The following PCDH15 variants were observed in gnomAD, a reference collection of about 807,000 sequenced individuals.
PCDH15 encodes the protein protocadherin related 15.
PCDH15 carries 129 observed loss-of-function variants against 178.5 expected under a neutral mutation model. The ratio of observed to expected loss-of-function variants is 0.72; its 90% CI spans 0.63 to 0.84. PCDH15 has a LOEUF of 0.84. Among genes scored for constraint, PCDH15 ranks in the 40% least tolerant of loss-of-function variants. The probability of loss-of-function intolerance (pLI) is 0.00; values close to 1 mark genes in which losing one functional copy is unlikely to be tolerated. For missense variants in PCDH15, 2,230 were observed against 2,099.9 expected (o/e 1.06, Z -1.21); for synonymous variants, 800 against 732.0 (o/e 1.09, Z -1.50).
rs117197561 is a variant in PCDH15 at position 54,499,020 on chromosome 10, C to T, written c.157+28792G>A. 1.3e-3 allele frequency among the ~76,000 whole-genome samples: 204 copies of T among 152,094 alleles called. 3 individuals carry two copies. The East Asian group carries it at 0.025, about 18-fold the overall frequency. On this transcript the variant is annotated intron_variant, in intron 3 of 37. Transcript: ENST00000644397. The stretch of plus-strand genomic sequence containing the variant: ...TCACTAGAACAGCAAGGGAGAAATC[C>T]GCTCCCATGATCCAATCACCTTCCA...
At position 54,718,990 on chromosome 10, in the gene PCDH15, C is replaced by T. The variant is rs12412571; in HGVS notation, c.-28-54700G>A. On this transcript the variant is annotated intron_variant, in intron 1 of 37. Coordinates refer to ENST00000644397, the MANE Select transcript of PCDH15 (RefSeq NM_001384140.1). ...GATTACAGGCATGAGCCACTGCACCCGGTCCACACTGATTCTTTACCAATG... is the reference window on the plus strand; with the variant it reads ...GATTACAGGCATGAGCCACTGCACCTGGTCCACACTGATTCTTTACCAATG... 5.7e-4 allele frequency among the ~76,000 whole-genome samples: 86 copies of T among 151,748 alleles called. 1 individual carries two copies. The highest frequency in any genetic ancestry group is 9.4e-4 in the Non-Finnish European group (64 of 67,962).
intron 1 of PCDH15, among the ~76,000 whole-genome samples, chr10:55,195,278 C>T (rs1322154229): frequency 6.6e-6 from 1 of 151,860 alleles, no homozygotes; most frequent in Non-Finnish European, 1.5e-5. Flanking sequence ...CAGCTTCGGC[C>T]TCCCAAAGTG....
intron 2 of PCDH15, among the ~76,000 whole-genome samples, chr10:55,483,934 A>T (rs1840241312): frequency 6.6e-6 from 1 of 151,860 alleles, no homozygotes; most frequent in African/African-American, 2.4e-5. Flanking sequence ...CTGGATAAAG[A>T]TGTGGTACAA....
At chr10:55,263,611 G>C (rs1412171452) in intron 1 of PCDH15, among the ~76,000 whole-genome samples, 1 of 152,148 alleles carries the variant, frequency 6.6e-6, no homozygotes, top group South Asian at 2.1e-4. Context: ...CAGGCCAACA[G>C]AATGTTTCTC....
intron 15 of PCDH15, among the ~76,000 whole-genome samples, chr10:54,110,520 C>T (rs1226162149): frequency 2.0e-5 from 3 of 152,084 alleles, no homozygotes; most frequent in African/African-American, 4.8e-5. Context: ...TCACTCAGCA[C>T]ACAGTGGTTA....
At position 55,175,353 on chromosome 10, in the gene PCDH15, G is replaced by A. The variant is rs535042413; in HGVS notation, c.-155-8702C>T. Among the ~76,000 whole-genome samples the A allele has an allele frequency of 2.6e-5, 4 of 152,018 alleles. No individual in the cohort carries two copies. The South Asian group carries it at 8.3e-4, about 32-fold the overall frequency. Reference sequence around the variant, plus strand: ...AATCAAGGTACAACTAATCCTAAAGGATAAGTTTATTATTCAGGCAGAACC... The same window carrying A: ...AATCAAGGTACAACTAATCCTAAAGAATAAGTTTATTATTCAGGCAGAACC... On this transcript the variant is annotated intron_variant, in intron 1 of 5. Transcript: ENST00000458638.
At chr10:54,758,490 A>G (rs930293237) in intron 1 of PCDH15, among the ~76,000 whole-genome samples, 3 of 152,194 alleles carry the variant, frequency 2.0e-5, no homozygotes, top group Admixed American at 2.0e-4. Context: ...TTGTAAATGT[A>G]TGATGTGTTT....
At chr10:55,186,671 A>T (rs1330952407) in intron 1 of PCDH15, among the ~76,000 whole-genome samples, 1 of 151,812 alleles carries the variant, frequency 6.6e-6, no homozygotes, top group Non-Finnish European at 1.5e-5. Flanking sequence ...TAAATTTTAG[A>T]TTTGTGCCAT....
At position 53,809,162 on chromosome 10, in the gene PCDH15, T is replaced by G. The variant is rs769366626; in HGVS notation, c.4671+1394A>C. The stretch of plus-strand genomic sequence containing the variant: ...GAACTCTCCTCCTCCTCAGAGGGTG[T>G]CTCTGACTCAGATTCCTCTTCTGTA... On this transcript the variant is annotated intron_variant, in intron 37 of 37. Transcript: ENST00000644397. The G allele has an allele frequency of 1.9e-6, 3 of 1,613,974 alleles. No homozygotes were observed. The South Asian group carries it at 3.3e-5, about 18-fold the overall frequency.
At chr10:54,578,110 G>C (rs1303085462) in intron 2 of PCDH15, among the ~76,000 whole-genome samples, 2 of 152,010 alleles carry the variant, frequency 1.3e-5, no homozygotes, top group Admixed American at 1.3e-4. Flanking sequence ...TATCTATGTA[G>C]TGTTTTAAAA....
At chr10:54,989,489 A>G (rs1238227278) in intron 2 of PCDH15, among the ~76,000 whole-genome samples, 1 of 152,208 alleles carries the variant, frequency 6.6e-6, no homozygotes, top group Non-Finnish European at 1.5e-5. Flanking sequence ...AGTCCATGGG[A>G]ACCTACCTCT....
intron 2 of PCDH15, among the ~76,000 whole-genome samples, chr10:55,133,529 C>T (rs1838109180): frequency 6.6e-6 from 1 of 152,136 alleles, no homozygotes; most frequent in South Asian, 2.1e-4. Context: ...AAAACCATGT[C>T]TGTGGCTGAT....
intron 2 of PCDH15, among the ~76,000 whole-genome samples, chr10:55,390,343 T>C (rs1015417583): frequency 1.3e-5 from 2 of 152,184 alleles, no homozygotes; most frequent in Non-Finnish European, 1.5e-5. Flanking sequence ...TGTTGACTGG[T>C]GGCTGCTGAA....
At chr10:54,430,963 C>G (rs1457044961) in intron 3 of PCDH15, among the ~76,000 whole-genome samples, 1 of 151,962 alleles carries the variant, frequency 6.6e-6, no homozygotes, top group Non-Finnish European at 1.5e-5. Flanking sequence ...CAAAGGATAA[C>G]TACTGGCTAC....
At chr10:53,831,646 G>C (rs916122473) in intron 29 of PCDH15, 113 bp from the exon 30 acceptor site, 1 of 750,362 alleles carries the variant, frequency 1.3e-6, no homozygotes, top group Non-Finnish European at 2.2e-6. Flanking sequence ...AACACAAGCT[G>C]AGTCAGAAGT....
At chr10:53,927,519 A>G (rs2084668901) in intron 25 of PCDH15, among the ~76,000 whole-genome samples, 1 of 152,150 alleles carries the variant, frequency 6.6e-6, no homozygotes, top group African/African-American at 2.4e-5. Context: ...AATCATGAAA[A>G]TATATGGTTA....
chr10:53,824,866 A>ATTTT (rs2076572412), intron 32 of PCDH15, among the ~76,000 whole-genome samples: 1 of 152,074 alleles, frequency 6.6e-6, no homozygotes, highest in South Asian at 2.1e-4. Context: ...AAATTTAAGA[A>ATTTT]TTTTTAAAAA....
intron 2 of PCDH15, among the ~76,000 whole-genome samples, chr10:54,906,369 T>G (rs1342676578): frequency 6.6e-6 from 1 of 152,136 alleles, no homozygotes; most frequent in African/African-American, 2.4e-5. Context: ...TAATTTAAAT[T>G]GCAACAATTT....
At chr10:55,039,089 C>A (rs1840805167) in intron 2 of PCDH15, among the ~76,000 whole-genome samples, 1 of 152,020 alleles carries the variant, frequency 6.6e-6, no homozygotes, top group South Asian at 2.1e-4. Context: ...ACCATCCACA[C>A]CAGCATATTC....
Sources: gnomAD v4.1 joint callset for allele counts (sites outside exome capture counted in the v4.1 genomes callset) on GRCh38, gnomAD v4.1.1 for gene constraint, MANE v1.5 for transcripts, NCBI Gene and HGNC (gene_info 2026-07-23, HGNC 2026-07-21) for gene names.